Variants in ADAMTS9 observed in about 807,000 individuals in gnomAD.
The protein encoded by ADAMTS9 is ADAM metallopeptidase with thrombospondin type 1 motif 9.
A neutral mutation model predicts 257.1 loss-of-function variants in ADAMTS9; 107 were observed. The ratio of observed to expected loss-of-function variants is 0.42; its 90% CI spans 0.36 to 0.49. The LOEUF is 0.49. ADAMTS9 is among the 20% of genes least tolerant of loss of function. ADAMTS9 has a pLI of 0.03. For synonymous variants in ADAMTS9, 982 were observed against 880.9 expected (o/e 1.11, Z -2.03); for missense variants, 2,353 against 2,469.1 (o/e 0.95, Z 1.00).
rs767804146 is a variant in ADAMTS9 at position 64,568,506 on chromosome 3, T to C, written c.4386A>G (p.Lys1462=). 1 of 1,614,146 alleles carries C rather than the reference T, an allele frequency of 6.2e-7. No homozygotes were observed. The highest frequency in any genetic ancestry group is 1.1e-5 in the South Asian group (1 of 91,076). The stretch of plus-strand genomic sequence containing the variant: ...TTGCCATGCAGTAAACATTTCGTTG[T>C]TTATGCCCTCGACCACAAGAGACAG... ...SCSVSCGRGH[K]QRNVYCMAKD... The change falls in exon 29 of 40, where the codon AAA becomes AAG. Residue 1462 remains lysine (K), a synonymous_variant. Transcript: ENST00000498707.
chr3:64,647,425 C>G (rs2106937199), intron 11 of ADAMTS9, among the ~76,000 whole-genome samples: 1 of 152,254 alleles, frequency 6.6e-6, no homozygotes, highest in South Asian at 2.1e-4. Flanking sequence ...ATAACCAGCT[C>G]ACGAGAACTT....
At chr3:64,595,801 C>T (rs1020795715) in intron 27 of ADAMTS9, among the ~76,000 whole-genome samples, 1 of 152,116 alleles carries the variant, frequency 6.6e-6, no homozygotes. Flanking sequence ...GTCTTTTTCC[C>T]CCCCTTGGCA....
At chr3:64,671,169 C>A (rs778309763) in intron 3 of ADAMTS9, among the ~76,000 whole-genome samples, 3 of 152,142 alleles carry the variant, frequency 2.0e-5, no homozygotes, top group Admixed American at 6.5e-5. Context: ...GGTGATATAT[C>A]CATTCAGTGG....
At chr3:64,527,868 C>G (rs986227411) in intron 38 of ADAMTS9, among the ~76,000 whole-genome samples, 8 of 152,060 alleles carry the variant, frequency 5.3e-5, no homozygotes, top group African/African-American at 1.7e-4. Context: ...CAGCCCAGGT[C>G]GAAACATGAG....
intron 22 of ADAMTS9, 94 bp downstream of exon 22, chr3:64,613,251 G>A (rs1333047328): frequency 2.5e-5 from 37 of 1,467,106 alleles, no homozygotes; most frequent in Admixed American, 7.7e-5. Context: ...CCGGCACAGC[G>A]GTTAAATCTC....
intron 32 of ADAMTS9, among the ~76,000 whole-genome samples, chr3:64,543,028 A>C (rs1029737927): frequency 6.6e-6 from 1 of 152,248 alleles, no homozygotes; most frequent in Non-Finnish European, 1.5e-5. Context: ...GGAATGGATA[A>C]ATTCCTGGAC....
At chr3:64,651,291 C>G (rs1344090645) in intron 8 of ADAMTS9, 128 bp from the exon 9 acceptor site, 1 of 667,974 alleles carries the variant, frequency 1.5e-6, no homozygotes, top group Admixed American at 4.0e-5. Flanking sequence ...AACCTGAACC[C>G]TGGTAAGCAG....
At position 64,655,594 on chromosome 3, in the gene ADAMTS9, G is replaced by A; in HGVS notation, c.1151C>T (p.Thr384Ile). The change falls in exon 6 of 40, where the codon ACT (threonine) becomes ATT (isoleucine). Residue 384 changes from threonine (T) to isoleucine (I), a missense_variant. Physicochemically the swap from Thr to Ile is moderately conservative, Grantham distance 89. Coordinates refer to ENST00000498707, the MANE Select transcript of ADAMTS9 (RefSeq NM_182920.2). ...KNSPGGIHHD[T>I]AVLLTRQDIC... is the part of the protein sequence containing the mutation. Reference sequence around the variant, plus strand: ...CATATACCTTGTTAAGAGAACAGCAGTATCATGATGGATTCCACCTGGACT... The same window carrying A: ...CATATACCTTGTTAAGAGAACAGCAATATCATGATGGATTCCACCTGGACT... The A allele has an allele frequency of 6.2e-7, 1 of 1,613,498 alleles. No individual in the cohort carries two copies. The highest frequency in any genetic ancestry group is 8.5e-7 in the Non-Finnish European group (1 of 1,179,438).
chr3:64,624,250 AGAAG>A (rs1017452726), intron 16 of ADAMTS9, among the ~76,000 whole-genome samples: 1 of 151,788 alleles, frequency 6.6e-6, no homozygotes, highest in African/African-American at 2.4e-5. Context: ...GGAAAGAGAA[AGAAG>A]AAAGAAAGGA....
chr3:64,649,136 C>G (rs935200600), intron 10 of ADAMTS9, among the ~76,000 whole-genome samples: 1 of 152,134 alleles, frequency 6.6e-6, no homozygotes, highest in Non-Finnish European at 1.5e-5. Context: ...CACAGCCACC[C>G]CAGCTGAGGC....
intron 11 of ADAMTS9, among the ~76,000 whole-genome samples, chr3:64,644,770 T>C (rs965255017): frequency 2.0e-5 from 3 of 152,216 alleles, no homozygotes; most frequent in Admixed American, 6.5e-5. Context: ...CTTTATTCTA[T>C]AGATTTTACT....
chr3:64,632,517 A>T (rs565052380), intron 14 of ADAMTS9, among the ~76,000 whole-genome samples: 1 of 152,334 alleles, frequency 6.6e-6, no homozygotes, highest in East Asian at 1.9e-4. Context: ...ATGGGCCTCC[A>T]TTTTGAGGCC....
chr3:64,536,612 G>A (rs959672), intron 37 of ADAMTS9, among the ~76,000 whole-genome samples: 2 of 152,318 alleles, frequency 1.3e-5, no homozygotes, highest in South Asian at 2.1e-4. Context: ...ACTCTACTGA[G>A]CGGCAGCTGT....
chr3:64,648,244 A>G (rs1459172168), intron 10 of ADAMTS9, among the ~76,000 whole-genome samples, 200 bp from the exon 11 acceptor site: 1 of 152,218 alleles, frequency 6.6e-6, no homozygotes, highest in Non-Finnish European at 1.5e-5. Context: ...ATGGATACCC[A>G]TGTACCCACC....
Position 64,631,921 on chromosome 3 carries a change from G to A in ADAMTS9, c.2180C>T (p.Ala727Val). The change falls in exon 15 of 40, where the codon GCT becomes GTT. Residue 727 changes from alanine (A) to valine (V), a missense_variant. Transcript: ENST00000498707. ...DICVQGLCRQAGCDHVLNSKA... is the reference protein window; with the variant it reads ...DICVQGLCRQVGCDHVLNSKA... ...TGAGTTTAAAACATGATCGCATCCAGCTTGCTTTTAAAAAGAAAAGATTTG... is the reference window on the plus strand; with the variant it reads ...TGAGTTTAAAACATGATCGCATCCAACTTGCTTTTAAAAAGAAAAGATTTG... 6.2e-7 allele frequency: 1 copy of A among 1,611,158 alleles called. No homozygotes were observed. The highest frequency in any genetic ancestry group is 8.5e-7 in the Non-Finnish European group (1 of 1,178,108).
At chr3:64,572,001 C>T (rs1318757685) in intron 28 of ADAMTS9, among the ~76,000 whole-genome samples, 1 of 152,184 alleles carries the variant, frequency 6.6e-6, no homozygotes, top group East Asian at 1.9e-4. Context: ...ATTGGTTACA[C>T]ATCTGATAGT....
intron 26 of ADAMTS9, among the ~76,000 whole-genome samples, chr3:64,601,495 C>T (rs1020502514): frequency 2.6e-5 from 4 of 152,140 alleles, no homozygotes; most frequent in African/African-American, 9.7e-5. Context: ...AGGACAATGA[C>T]CTACTACTAC....
chr3:64,557,763 CAG>C (rs2083359158), intron 30 of ADAMTS9, among the ~76,000 whole-genome samples: 1 of 152,228 alleles, frequency 6.6e-6, no homozygotes, highest in Non-Finnish European at 1.5e-5. Context: ...TCTAGAAATT[CAG>C]AGTCAACTTT....
intron 28 of ADAMTS9, among the ~76,000 whole-genome samples, chr3:64,585,623 C>T (rs78824290): frequency 0.012 from 1,762 of 152,216 alleles, 61 homozygotes; most frequent in East Asian, 0.067. Flanking sequence ...TTACCTTCTG[C>T]AAGGAACCTC....
Sources: allele counts gnomAD v4.1 joint callset (sites outside exome capture counted in the v4.1 genomes callset), GRCh38; gene constraint gnomAD v4.1.1; transcripts MANE v1.5; gene names NCBI Gene and HGNC (gene_info 2026-07-23, HGNC 2026-07-21).